INSR: variants seen among roughly 807,000 people sequenced by gnomAD.
The protein encoded by INSR is insulin receptor.
A neutral mutation model predicts 142.6 loss-of-function variants in INSR; 67 were observed. That is an observed-to-expected ratio of 0.47 (90% CI 0.39 to 0.58). The LOEUF (loss-of-function observed/expected upper bound fraction) is 0.58. INSR is among the 20% of genes least tolerant of loss of function. The pLI is 0.00. For missense variants in INSR, 1,248 were observed against 1,833.2 expected (o/e 0.68, Z 5.83); for synonymous variants, 756 against 743.1 (o/e 1.02, Z -0.28).
In INSR at chr19:7,148,865, G is replaced by C. The variant is rs546924410; in HGVS notation, c.2267+1632C>G. ...GCTGGAGTGCAGTGGCACGATCTTGGCTCACTGCAAGCTCCGCGTCCCAGG... is the reference window on the plus strand; with the variant it reads ...GCTGGAGTGCAGTGGCACGATCTTGCCTCACTGCAAGCTCCGCGTCCCAGG... On this transcript the variant is annotated intron_variant, in intron 11 of 21. Transcript: ENST00000302850. Among the ~76,000 whole-genome samples the C allele has an allele frequency of 2.7e-5, 4 of 150,680 alleles. No homozygotes were observed. In the South Asian group the frequency reaches 8.4e-4, roughly 32 times the overall value.
chr19:7,167,500 C>T (rs1302413201), intron 7 of INSR, among the ~76,000 whole-genome samples: 1 of 150,814 alleles, frequency 6.6e-6, no homozygotes, highest in Non-Finnish European at 1.5e-5. Flanking sequence ...TGCTTGAACC[C>T]GGGAGGCAGA....
rs1394582534 is a variant in INSR, at chr19:7,159,907, C to T, written c.2029+3125G>A. On this transcript the variant is annotated intron_variant, in intron 9 of 21. Coordinates refer to ENST00000302850, the MANE Select transcript of INSR (RefSeq NM_000208.4). This position sits in a 1 kb window ranked among gnomAD's most constrained non-coding sequence, Gnocchi z 4.3. ...GGCCTCAGCCACACCTCGCCAGTGG[C>T]CCCCTGGCCTTCTCCTCCAGGGTCA... is the stretch of plus-strand genomic sequence containing the variant. Among the ~76,000 whole-genome samples, 2 of 152,168 alleles carry T rather than the reference C, an allele frequency of 1.3e-5. No homozygotes were observed. The highest frequency in any genetic ancestry group is 2.9e-5 in the Non-Finnish European group (2 of 68,036).
intron 1 of INSR, among the ~76,000 whole-genome samples, chr19:7,286,991 C>A (rs1159867294): frequency 6.6e-6 from 1 of 151,860 alleles, no homozygotes; most frequent in Non-Finnish European, 1.5e-5. Flanking sequence ...GGACTACAGA[C>A]ACATGCCACC....
intron 2 of INSR, among the ~76,000 whole-genome samples, chr19:7,251,915 TC>T (rs1302213949): frequency 6.6e-6 from 1 of 152,126 alleles, no homozygotes; most frequent in African/African-American, 2.4e-5. Flanking sequence ...AAATCTTGAT[TC>T]CATTAATTAA....
chr19:7,211,959 C>T (rs35931207), intron 2 of INSR, among the ~76,000 whole-genome samples: 3,545 of 152,214 alleles, frequency 0.023, 70 homozygotes, highest in Non-Finnish European at 0.034. Context: ...CAGACTCAGA[C>T]TCTGGGGTGG....
At chr19:7,195,435 G>A (rs773644507) in intron 2 of INSR, among the ~76,000 whole-genome samples, 59 of 152,178 alleles carry the variant, frequency 3.9e-4, no homozygotes, top group Non-Finnish European at 6.5e-4. Context: ...TGGAGATCAG[G>A]AGTTCGAGAC....
intron 2 of INSR, among the ~76,000 whole-genome samples, chr19:7,232,421 C>A (rs551388352): frequency 6.6e-6 from 1 of 152,188 alleles, no homozygotes; most frequent in African/African-American, 2.4e-5. Flanking sequence ...TTCAAATTCC[C>A]GACCTCAAGT....
At position 7,125,161 on chromosome 19, in the gene INSR, G is replaced by A; in HGVS notation, c.3258+122C>T. ...TCACACCTCTAGGATGGGAAGCTTA[G>A]TGGAGTGAGGGGTGGGTAGGAGGTT... On this transcript the variant is annotated intron_variant, in intron 17 of 21. Coordinates refer to ENST00000302850, the MANE Select transcript of INSR (RefSeq NM_000208.4). The surrounding 1 kb of genome is among the most constrained non-coding windows in gnomAD (Gnocchi z 4.9). 3 of 1,180,770 alleles carry A rather than the reference G, an allele frequency of 2.5e-6. No individual in the cohort carries two copies. In the South Asian group the frequency reaches 3.8e-5, roughly 15 times the overall value. 73.1% of individuals were successfully genotyped at this position (1,180,770 alleles called of 1,614,324 possible).
At chr19:7,137,268 A>T (rs554033713) in intron 13 of INSR, among the ~76,000 whole-genome samples, 7,155 of 23,180 alleles carry the variant, frequency 0.31, 508 homozygotes, top group African/African-American at 0.44. Context: ...TTTCTAAATT[A>T]AAAAAAAAAA....
chr19:7,235,332 AT>A lies in INSR; in HGVS notation c.652+32012del, dbSNP rs763299351. Among the ~76,000 whole-genome samples the A allele has an allele frequency of 1.2e-4, 19 of 152,254 alleles. 1 individual carries two copies. The highest frequency in any genetic ancestry group is 2.8e-4 in the Non-Finnish European group (19 of 68,026). On this transcript the variant is annotated intron_variant, in intron 2 of 21. Transcript: ENST00000302850. Reference sequence around the variant, plus strand: ...CCAAACACAGTCACGAACTCCCTACATTCTTACTCCTTGTGTCTGAAGATGA... The same window carrying A: ...CCAAACACAGTCACGAACTCCCTACATCTTACTCCTTGTGTCTGAAGATGA...
rs1968429338 is a variant in INSR, at chr19:7,289,379, G to A, written c.100+4413C>T. Among the ~76,000 whole-genome samples, 3 of 150,692 alleles carry A rather than the reference G, an allele frequency of 2.0e-5. No homozygotes were observed. In the Admixed American group the frequency reaches 2.0e-4, roughly 10 times the overall value. On this transcript the variant is annotated intron_variant, in intron 1 of 21. Coordinates refer to ENST00000302850, the MANE Select transcript of INSR (RefSeq NM_000208.4). Reference sequence around the variant, plus strand: ...TGTTTAGAGGCTGAAAAAGCACGTGGGTAAATGAAGATTCTTTTTTCTTTT... The same window carrying A: ...TGTTTAGAGGCTGAAAAAGCACGTGAGTAAATGAAGATTCTTTTTTCTTTT...
chr19:7,293,443 A>T (rs1968550676), intron 1 of INSR, among the ~76,000 whole-genome samples: 1 of 152,070 alleles, frequency 6.6e-6, no homozygotes, highest in Non-Finnish European at 1.5e-5. Context: ...CCCGGCCGCG[A>T]CCCAAAGATG....
At chr19:7,250,566 AAAGGAAGGAAGGAGGGAGGG>A (rs918352135) in intron 2 of INSR, among the ~76,000 whole-genome samples, 19 of 136,102 alleles carry the variant, frequency 1.4e-4, no homozygotes, top group Non-Finnish European at 2.7e-4. Context: ...AAATAAAGAA[AAAGGAAGGAAGGAGGGAGGG>A]AAGGAAGGAA....
chr19:7,275,942 T>C (rs997984165), intron 1 of INSR, among the ~76,000 whole-genome samples: 3 of 152,072 alleles, frequency 2.0e-5, no homozygotes, highest in Non-Finnish European at 4.4e-5. Flanking sequence ...ATCTGAGAAT[T>C]TTCCAGAAGG....
chr19:7,229,095 T>C (rs1975874934), intron 2 of INSR, among the ~76,000 whole-genome samples: 1 of 143,290 alleles, frequency 7.0e-6, no homozygotes, highest in African/African-American at 2.6e-5. Flanking sequence ...GGATGGGTGA[T>C]TGGATGAGTG....
At chr19:7,151,149 C>T (rs10415863) in intron 10 of INSR, among the ~76,000 whole-genome samples, 9 of 138,172 alleles carry the variant, frequency 6.5e-5, no homozygotes, top group African/African-American at 2.0e-4. Context: ...TTCTCTCTTT[C>T]CTTTCTTTCT....
At chr19:7,282,738 G>A (rs1434880250) in intron 1 of INSR, among the ~76,000 whole-genome samples, 4 of 151,754 alleles carry the variant, frequency 2.6e-5, no homozygotes, top group Non-Finnish European at 5.9e-5. Flanking sequence ...TGTAATCCCA[G>A]CACTTTGGGA....
chr19:7,287,085 T>C (rs931231009), intron 1 of INSR, among the ~76,000 whole-genome samples: 1 of 151,162 alleles, frequency 6.6e-6, no homozygotes, highest in East Asian at 2.0e-4. Context: ...CCTGGACACA[T>C]GTAATCCTCC....
intron 3 of INSR, 75 bp downstream of exon 3, chr19:7,184,241 C>T (rs1974355663): frequency 8.3e-6 from 11 of 1,333,234 alleles, no homozygotes; most frequent in Admixed American, 1.8e-5. Context: ...ACAGTTTTAA[C>T]AAGCGGCATC....
Sources: allele counts gnomAD v4.1 joint callset (sites outside exome capture counted in the v4.1 genomes callset), GRCh38; gene constraint gnomAD v4.1.1; non-coding constraint Gnocchi (gnomAD v3.1); transcripts MANE v1.5; gene names NCBI Gene and HGNC (gene_info 2026-07-23, HGNC 2026-07-21).